Variants in CUBN observed in about 807,000 individuals in gnomAD.
CUBN encodes 460 kDa receptor.
A neutral mutation model predicts 405.3 loss-of-function variants in CUBN; 282 were observed. The ratio of observed to expected loss-of-function variants is 0.70; its 90% confidence interval spans 0.63 to 0.77. CUBN has a LOEUF of 0.77. Ranked by LOEUF, CUBN falls within the 30% of genes least tolerant of loss-of-function variation. The pLI is 0.00. For missense variants in CUBN, 4,514 were observed against 4,475.2 expected (o/e 1.01, Z -0.25); for synonymous variants, 1,684 against 1,617.0 (o/e 1.04, Z -0.99).
intron 4 of CUBN, among the ~76,000 whole-genome samples, chr10:17,125,434 T>C (rs550656905): frequency 6.6e-6 from 1 of 152,338 alleles, no homozygotes; most frequent in Non-Finnish European, 1.5e-5. Context: ...TCTGGGGGTC[T>C]CTTTATGAAC....
chr10:17,057,162 G>GA (rs1486982661), intron 22 of CUBN, among the ~76,000 whole-genome samples: 1 of 152,156 alleles, frequency 6.6e-6, no homozygotes, highest in Non-Finnish European at 1.5e-5. Context: ...GCTGGTGGTA[G>GA]AAAAAATCAG....
At chr10:17,093,484 T>C (rs532041237) in intron 14 of CUBN, among the ~76,000 whole-genome samples, 1 of 152,252 alleles carries the variant, frequency 6.6e-6, no homozygotes, top group African/African-American at 2.4e-5. Context: ...CCAGGATTCA[T>C]GGAAAATTTG....
rs369690481 is a variant in CUBN, at chr10:17,010,418, A to G, written c.4168+9415T>C. Among the ~76,000 whole-genome samples, 35 of 151,878 alleles carry G rather than the reference A, an allele frequency of 2.3e-4. No individual in the cohort carries two copies. The South Asian group carries it at 7.3e-3, about 32-fold the overall frequency. On this transcript the variant is annotated intron_variant, in intron 28 of 66. Transcript: ENST00000377833. Reference sequence around the variant, plus strand: ...CACTTTGGGAGGCCAAGGCAGGAGGACTGCTTGAGCTCAGAAGTTCAAGAT... The same window carrying G: ...CACTTTGGGAGGCCAAGGCAGGAGGGCTGCTTGAGCTCAGAAGTTCAAGAT...
At chr10:16,894,455 G>GA (rs1484945720) in intron 54 of CUBN, among the ~76,000 whole-genome samples, 3 of 151,936 alleles carry the variant, frequency 2.0e-5, no homozygotes, top group Non-Finnish European at 2.9e-5. Context: ...ACCATTTGTT[G>GA]AAAAAACCAT....
chr10:17,016,470 C>T (rs1391661251), intron 28 of CUBN, among the ~76,000 whole-genome samples: 2 of 152,142 alleles, frequency 1.3e-5, no homozygotes. Flanking sequence ...TCATTAAAGG[C>T]CAGGGTTTGA....
chr10:16,884,664 G>C (rs1252324638), intron 56 of CUBN, among the ~76,000 whole-genome samples: 2 of 152,130 alleles, frequency 1.3e-5, no homozygotes, highest in African/African-American at 4.8e-5. Context: ...CTGAGCCTTT[G>C]TAACCTAAGA....
At chr10:17,076,907 C>T (rs745466270) in intron 17 of CUBN, among the ~76,000 whole-genome samples, 7 of 152,154 alleles carry the variant, frequency 4.6e-5, no homozygotes, top group Middle Eastern at 3.2e-3. Flanking sequence ...AAGCCACAGA[C>T]GCTTTTGGTT....
chr10:16,997,197 A>G (rs1833760789), intron 28 of CUBN, among the ~76,000 whole-genome samples: 1 of 152,140 alleles, frequency 6.6e-6, no homozygotes, highest in Admixed American at 6.5e-5. Flanking sequence ...GCACTTAGGG[A>G]GGCAAAGGCA....
chr10:16,971,961 G>A (rs1262684650), intron 31 of CUBN, among the ~76,000 whole-genome samples: 4 of 151,940 alleles, frequency 2.6e-5, no homozygotes, highest in Admixed American at 6.6e-5. Flanking sequence ...ACCACCACCC[G>A]CCACAATCCT....
intron 14 of CUBN, among the ~76,000 whole-genome samples, chr10:17,097,041 A>T (rs74604371): frequency 0.15 from 23,076 of 152,088 alleles, 2,010 homozygotes; most frequent in Middle Eastern, 0.31. Flanking sequence ...CTAGGAAAAA[A>T]TTGTTAAAGT....
At position 17,065,722 on chromosome 10, in the gene CUBN, T is replaced by C. The variant is rs1051452529; in HGVS notation, c.3009-84A>G. ...TGTAACAAAAATTTGGACATGTAAA[T>C]ATAATAATAGGTTTTGTTCTCTACC... On this transcript the variant is annotated intron_variant, in intron 21 of 66. Coordinates refer to ENST00000377833, the MANE Select transcript of CUBN (RefSeq NM_001081.4). The C allele has an allele frequency of 4.0e-6, 6 of 1,512,086 alleles. No individual in the cohort carries two copies. In the African/African-American group the frequency reaches 4.1e-5, roughly 10 times the overall value. 93.7% of individuals were successfully genotyped at this position (1,512,086 alleles called of 1,614,324 possible).
intron 55 of CUBN, 122 bp from the exon 56 acceptor site, chr10:16,888,688 G>C (rs1840896162): frequency 1.2e-6 from 1 of 829,484 alleles, no homozygotes; most frequent in Non-Finnish European, 2.1e-6. Context: ...TATTCCAAAT[G>C]GAAGAAGCAA....
chr10:17,046,309 A>G (rs1387857528), intron 23 of CUBN, among the ~76,000 whole-genome samples: 1 of 152,200 alleles, frequency 6.6e-6, no homozygotes, highest in Non-Finnish European at 1.5e-5. Context: ...ACCATCATTC[A>G]TAGCTGGTAT....
At chr10:16,879,592 A>C (rs1840610867) in intron 56 of CUBN, among the ~76,000 whole-genome samples, 1 of 152,240 alleles carries the variant, frequency 6.6e-6, no homozygotes, top group African/African-American at 2.4e-5. Context: ...ATCGTTATGC[A>C]CACTTACTTT....
At chr10:16,980,731 A>G (rs1207324419) in intron 31 of CUBN, among the ~76,000 whole-genome samples, 1 of 152,076 alleles carries the variant, frequency 6.6e-6, no homozygotes, top group African/African-American at 2.4e-5. Flanking sequence ...TAGGAGAAAT[A>G]CCTTATGTAG....
intron 66 of CUBN, among the ~76,000 whole-genome samples, chr10:16,826,109 C>T (rs1220899794): frequency 6.6e-6 from 1 of 152,088 alleles, no homozygotes; most frequent in Non-Finnish European, 1.5e-5. Flanking sequence ...CTCTCATTTG[C>T]TAGATCTTCA....
chr10:16,824,979 C>T lies in CUBN; in HGVS notation c.10868G>A (p.Ser3623Asn). Residue 3623 changes from serine to asparagine, a missense_variant, in exon 67 of 67, where the codon AGC becomes AAC. Physicochemically the swap from Ser to Asn is conservative, Grantham distance 46 (BLOSUM62 1). Around this residue, in one of 5 missense-constraint regions of CUBN, gnomAD observed 1,186 missense variants for 1,186.9 expected, o/e 1.00. Transcript: ENST00000377833. Reference protein sequence around the residue: ...RPSAFRLTWDS With the variant: ...RPSAFRLTWDN ...TGAACACGAGTTGTTACCCACTTAGCTGTCCCAAGTTAATCGGAATGCGGA... is the reference window on the plus strand; with the variant it reads ...TGAACACGAGTTGTTACCCACTTAGTTGTCCCAAGTTAATCGGAATGCGGA... The T allele has an allele frequency of 1.2e-6, 2 of 1,611,890 alleles. No individual in the cohort carries two copies. The highest frequency in any genetic ancestry group is 2.2e-5 in the South Asian group (2 of 91,028).
chr10:16,844,899 T>G (rs1036313759), intron 60 of CUBN, among the ~76,000 whole-genome samples: 1 of 152,234 alleles, frequency 6.6e-6, no homozygotes, highest in Non-Finnish European at 1.5e-5. Flanking sequence ...TACACCATTA[T>G]ACGCAGCTAC....
intron 7 of CUBN, 138 bp downstream of exon 7, chr10:17,115,333 C>T: frequency 2.0e-6 from 2 of 986,234 alleles, no homozygotes; most frequent in African/African-American, 1.6e-5. Flanking sequence ...CCCCTCCTCG[C>T]CTATGTCCTA....
Sources: gnomAD v4.1 joint callset for allele counts (sites outside exome capture counted in the v4.1 genomes callset) on GRCh38, gnomAD v4.1.1 for gene constraint, gnomAD v4.1.1 regional missense constraint, MANE v1.5 for transcripts, NCBI Gene and HGNC (gene_info 2026-07-23, HGNC 2026-07-21) for gene names.